The following RFX7 variants were observed in gnomAD, a reference collection of about 807,000 sequenced individuals.
The protein encoded by RFX7 is DNA-binding protein RFX7.
Under a neutral mutation model 111.8 loss-of-function variants are expected in RFX7, and 26 were observed. The ratio of observed to expected loss-of-function variants is 0.23; its 90% CI spans 0.17 to 0.32. RFX7 has a LOEUF of 0.32. Among genes scored for constraint, RFX7 ranks in the 10% least tolerant of loss-of-function variants. The probability of loss-of-function intolerance (pLI) is 1.00; values close to 1 mark genes in which losing one functional copy is unlikely to be tolerated. For synonymous variants in RFX7, 624 were observed against 624.4 expected (o/e 1.00, Z 0.01); for missense variants, 1,573 against 1,772.9 (o/e 0.89, Z 2.02).
At chr15:56,139,798 T>C (rs1300178965) in intron 5 of RFX7, among the ~76,000 whole-genome samples, 1 of 152,128 alleles carries the variant, frequency 6.6e-6, no homozygotes, top group African/African-American at 2.4e-5. Flanking sequence ...GTTTTTGGTG[T>C]GGATGTCCTT....
At chr15:56,206,822 G>A (rs1596008808) in intron 2 of RFX7, among the ~76,000 whole-genome samples, 1 of 150,256 alleles carries the variant, frequency 6.7e-6, no homozygotes, top group African/African-American at 2.4e-5. Context: ...TGGGGAGAAA[G>A]TGAGAGAGAG....
chr15:56,119,776 C>G (rs77388023), intron 5 of RFX7, among the ~76,000 whole-genome samples: 1 of 65,276 alleles, frequency 1.5e-5, no homozygotes, highest in African/African-American at 5.0e-5. Flanking sequence ...CACTGTGTCT[C>G]AAAAAAAAAA....
intron 3 of RFX7, 62 bp downstream of exon 3, chr15:56,179,208 T>C: frequency 1.3e-6 from 1 of 762,036 alleles, no homozygotes; most frequent in Non-Finnish European, 1.9e-6. Flanking sequence ...GAAAACTGTA[T>C]ATTTTATATC....
intron 5 of RFX7, among the ~76,000 whole-genome samples, chr15:56,140,334 GC>G (rs1384361833): frequency 6.6e-6 from 1 of 152,220 alleles, no homozygotes; most frequent in Non-Finnish European, 1.5e-5. Context: ...CGCTTTTTAA[GC>G]CCGTCGGAAA....
At chr15:56,211,758 A>T (rs988621790) in intron 2 of RFX7, among the ~76,000 whole-genome samples, 2 of 152,188 alleles carry the variant, frequency 1.3e-5, no homozygotes, top group Non-Finnish European at 1.5e-5. Flanking sequence ...ACAGATGGCA[A>T]ATAAGCACAT....
intron 2 of RFX7, among the ~76,000 whole-genome samples, chr15:56,214,617 A>T (rs2043344685): frequency 6.6e-6 from 1 of 151,280 alleles, no homozygotes; most frequent in Admixed American, 6.6e-5. Flanking sequence ...TGGGAGGCTG[A>T]GGCCAGAGAA....
chr15:56,095,752 C>A lies in RFX7; in HGVS notation c.1976G>T (p.Arg659Leu). Reference protein sequence around the residue: ...PKLCTKSPRKRLSSTLQETQV... With the variant: ...PKLCTKSPRKLLSSTLQETQV... ...GGTCTCCTGCAATGTAGAAGACAGTCGTTTTCTTGGGCTTTTAGTGCATAA... is the reference window on the plus strand; with the variant it reads ...GGTCTCCTGCAATGTAGAAGACAGTAGTTTTCTTGGGCTTTTAGTGCATAA... The change falls in exon 10 of 10, where the codon CGA (arginine) becomes CTA (leucine). Residue 659 changes from arginine (R) to leucine (L), a missense_variant. Arg to Leu is a moderately radical substitution (Grantham distance 102, BLOSUM62 -2). This residue lies in a region of RFX7 where 625 missense variants were observed against 632.2 expected (regional missense o/e 0.99). Transcript: ENST00000559447. 6.2e-7 allele frequency: 1 copy of A among 1,613,844 alleles called. No homozygotes were observed. Among genetic ancestry groups the A allele is most frequent in the South Asian group, 1.1e-5 (1 of 91,030 alleles).
intron 2 of RFX7, among the ~76,000 whole-genome samples, chr15:56,208,291 C>T (rs1214965418): frequency 2.6e-5 from 4 of 152,128 alleles, no homozygotes; most frequent in African/African-American, 9.7e-5. Context: ...AAAGGCAAAA[C>T]CCAACTCCAG....
intron 5 of RFX7, among the ~76,000 whole-genome samples, chr15:56,109,817 CCTGT>C (rs561369743): frequency 2.1e-4 from 32 of 151,796 alleles, no homozygotes; most frequent in African/African-American, 7.7e-4. Flanking sequence ...CAGCAGCCGC[CCTGT>C]CTGAGAAGTG....
chr15:56,223,424 A>C (rs1182123880), intron 2 of RFX7, among the ~76,000 whole-genome samples: 1 of 152,080 alleles, frequency 6.6e-6, no homozygotes, highest in Non-Finnish European at 1.5e-5. Context: ...GGGTGAGCTT[A>C]CCTATTGGAT....
rs781321725 is a variant in RFX7, at chr15:56,142,857, C to A, written c.322G>T (p.Ala108Ser). The A allele has an allele frequency of 6.2e-7, 1 of 1,613,626 alleles. No homozygotes were observed. Among genetic ancestry groups the A allele is most frequent in the South Asian group, 1.1e-5 (1 of 91,024 alleles). The change falls in exon 5 of 10, where the codon GCC (alanine) becomes TCC (serine). Residue 108 changes from alanine to serine, a missense_variant. This residue lies in a region of RFX7 where 191 missense variants were observed against 194.2 expected (regional missense o/e 0.98). Transcript: ENST00000559447. Reference protein sequence around the residue: ...MSSSRAQQMHAFSWIRNTLEE... With the variant: ...MSSSRAQQMHSFSWIRNTLEE... The stretch of plus-strand genomic sequence containing the variant: ...AGGGTATTCCGAATCCAGGAAAAGG[C>A]ATGCATTTGTTGTGCCCGACTAGAT...
chr15:56,145,956 T>C (rs186677469), intron 3 of RFX7, among the ~76,000 whole-genome samples: 1 of 152,224 alleles, frequency 6.6e-6, no homozygotes, highest in Non-Finnish European at 1.5e-5. Context: ...ACAACAAAGA[T>C]GAACAACACA....
Position 56,095,860 on chromosome 15 carries a change from G to A in RFX7, c.1868C>T (p.Thr623Ile). Residue 623 changes from threonine to isoleucine, a missense_variant, in exon 10 of 10, where the codon ACT becomes ATT. By Grantham distance (89) the Thr-to-Ile change is moderately conservative. Transcript: ENST00000559447. ...TAAGTTCTGAGAAGCAACTGATAGA[G>A]TGATAGTGCTTTGATTATTGCCTGT... The part of the protein sequence containing the change: ...TSTGNNQSTI[T>I]LSVASQNLTF... The A allele has an allele frequency of 6.2e-7, 1 of 1,606,850 alleles. No homozygotes were observed. The highest frequency in any genetic ancestry group is 8.5e-7 in the Non-Finnish European group (1 of 1,179,826).
chr15:56,106,898 A>G (rs1454676390), intron 5 of RFX7, among the ~76,000 whole-genome samples: 1 of 152,212 alleles, frequency 6.6e-6, no homozygotes, highest in African/African-American at 2.4e-5. Context: ...TTGACCAAGC[A>G]AGATACAGTG....
At chr15:56,108,942 C>G (rs930312310) in intron 5 of RFX7, among the ~76,000 whole-genome samples, 7 of 152,200 alleles carry the variant, frequency 4.6e-5, no homozygotes, top group Admixed American at 2.6e-4. Context: ...CTCCCAATCA[C>G]AACTGCTACA....
rs533487010 is a variant in RFX7, at chr15:56,134,685, T to C, written c.401+8093A>G. On this transcript the variant is annotated intron_variant, in intron 5 of 9. Coordinates refer to ENST00000559447, the MANE Select transcript of RFX7 (RefSeq NM_022841.7). ...GCACATTGTGCAGGTTACTTACATA[T>C]GTATACATGTGCCATGCTGGTGCAC... Among the ~76,000 whole-genome samples the C allele has an allele frequency of 2.6e-4, 39 of 151,448 alleles. 1 individual carries two copies. In the South Asian group the frequency reaches 8.1e-3, roughly 32 times the overall value.
At chr15:56,148,247 A>G (rs1046296291) in intron 3 of RFX7, among the ~76,000 whole-genome samples, 1 of 152,240 alleles carries the variant, frequency 6.6e-6, no homozygotes, top group Non-Finnish European at 1.5e-5. Context: ...TTTTCAAAAA[A>G]TATCCTTGGT....
chr15:56,182,113 G>T (rs1218443045), intron 2 of RFX7, among the ~76,000 whole-genome samples: 1 of 151,952 alleles, frequency 6.6e-6, no homozygotes, highest in Non-Finnish European at 1.5e-5. Context: ...ACATTATGGT[G>T]AGTTATATAA....
upstream of RFX7, among the ~76,000 whole-genome samples, chr15:56,244,525 A>T (rs2043792416): frequency 6.6e-6 from 1 of 152,092 alleles, no homozygotes; most frequent in Non-Finnish European, 1.5e-5. Context: ...CTCAACGCGC[A>T]GCAGATTCAT....
Sources: gnomAD v4.1 joint callset for allele counts (sites outside exome capture counted in the v4.1 genomes callset) on GRCh38, gnomAD v4.1.1 for gene constraint, gnomAD v4.1.1 regional missense constraint, MANE v1.5 for transcripts, NCBI Gene and HGNC (gene_info 2026-07-23, HGNC 2026-07-21) for gene names.